The following RASGRF2 variants were observed in gnomAD, a reference collection of about 807,000 sequenced individuals.
RASGRF2 encodes the protein Ras protein specific guanine nucleotide releasing factor 2.
A neutral mutation model predicts 151.0 loss-of-function variants in RASGRF2; 76 were observed. The observed-to-expected ratio is 0.50, with a 90% CI of 0.42 to 0.61. The LOEUF (loss-of-function observed/expected upper bound fraction) is 0.61, where lower values mean the gene tolerates loss of function less well. Ranked by LOEUF, RASGRF2 falls within the 20% of genes least tolerant of loss-of-function variation. RASGRF2 has a pLI of 0.00. For missense variants in RASGRF2, 1,148 were observed against 1,564.6 expected (o/e 0.73, Z 4.49); for synonymous variants, 504 against 566.5 (o/e 0.89, Z 1.57).
chr5:80,989,220 G>A (rs975468915), intron 1 of RASGRF2, among the ~76,000 whole-genome samples: 11 of 152,022 alleles, frequency 7.2e-5, no homozygotes, highest in East Asian at 1.9e-4. Context: ...ATCCCCCCGC[G>A]TCTGTCTCCC....
intron 5 of RASGRF2, among the ~76,000 whole-genome samples, chr5:81,073,918 G>A (rs1751860507): frequency 6.6e-6 from 1 of 152,104 alleles, no homozygotes; most frequent in African/African-American, 2.4e-5. Flanking sequence ...CACCCAGCCT[G>A]CATTGTTATT....
chr5:81,113,434 A>G, intron 14 of RASGRF2, 104 bp from the exon 15 acceptor site: 1 of 1,325,726 alleles, frequency 7.5e-7, no homozygotes, highest in Non-Finnish European at 1.0e-6. Flanking sequence ...TAGAAGTGCA[A>G]TGAGATTGTG....
chr5:81,059,674 G>A (rs963925904), intron 2 of RASGRF2, among the ~76,000 whole-genome samples: 6 of 151,606 alleles, frequency 4.0e-5, no homozygotes, highest in South Asian at 2.1e-4. Flanking sequence ...GTGAAACCCC[G>A]TCTCTACTAA....
intron 1 of RASGRF2, among the ~76,000 whole-genome samples, chr5:81,036,560 G>T (rs571573505): frequency 6.6e-6 from 1 of 151,878 alleles, no homozygotes; most frequent in Non-Finnish European, 1.5e-5. Context: ...TTTTCTATTT[G>T]TATGTCCTTA....
rs146306469 is a variant in RASGRF2, at chr5:80,998,846, A to G, written c.288+37820A>G. Among the ~76,000 whole-genome samples, 105 of 152,280 alleles carry G rather than the reference A, an allele frequency of 6.9e-4. 1 individual carries two copies. The Middle Eastern group carries it at 0.014, about 20-fold the overall frequency. The stretch of plus-strand genomic sequence containing the variant: ...AGTGGGGAGAGTGAGCTTGAGGTTC[A>G]TTCTGCTGTGAGATTGCCTCCGTTT... On this transcript the variant is annotated intron_variant, in intron 1 of 26. Coordinates refer to ENST00000265080, the MANE Select transcript of RASGRF2 (RefSeq NM_006909.3).
rs897695210 is a variant in RASGRF2 at position 81,227,874 on chromosome 5, G to A, written c.*2104G>A. 6.6e-6 allele frequency: 1 copy of A among 152,098 alleles called. No individual in the cohort carries two copies. Among genetic ancestry groups the A allele is most frequent in the Non-Finnish European group, 1.5e-5 (1 of 68,040 alleles). The allele number at this position is 152,098 out of a possible 1,614,324, so 9.4% of individuals were successfully genotyped here. On this transcript the variant is annotated 3_prime_UTR_variant, in exon 27 of 27. Transcript: ENST00000265080. ...CTGTGTGCACTTTTTCTGGAAGTTCGGACTCATTTCTTTGACCCAAATGTT... is the reference window on the plus strand; with the variant it reads ...CTGTGTGCACTTTTTCTGGAAGTTCAGACTCATTTCTTTGACCCAAATGTT...
chr5:81,176,599 T>C (rs1409205296), intron 17 of RASGRF2, among the ~76,000 whole-genome samples: 2 of 152,124 alleles, frequency 1.3e-5, no homozygotes, highest in African/African-American at 2.4e-5. Flanking sequence ...GGACGGTTTG[T>C]GCGTTTTATA....
At chr5:81,178,575 C>A (rs967880192) in intron 17 of RASGRF2, among the ~76,000 whole-genome samples, 1 of 152,062 alleles carries the variant, frequency 6.6e-6, no homozygotes, top group Non-Finnish European at 1.5e-5. Context: ...TAGGCCTAGA[C>A]GAGATTTCCT....
At chr5:81,047,146 A>G (rs1440086318) in intron 2 of RASGRF2, among the ~76,000 whole-genome samples, 2 of 151,896 alleles carry the variant, frequency 1.3e-5, no homozygotes, top group Non-Finnish European at 2.9e-5. Flanking sequence ...GTGGGCAAAG[A>G]TGATGAGCAT....
intron 1 of RASGRF2, among the ~76,000 whole-genome samples, chr5:81,016,933 C>T (rs1162004425): frequency 6.6e-6 from 1 of 152,124 alleles, no homozygotes; most frequent in African/African-American, 2.4e-5. Context: ...TAAACATCCA[C>T]CTAAAAGTCC....
intron 19 of RASGRF2, among the ~76,000 whole-genome samples, chr5:81,203,595 G>A (rs1755442956): frequency 6.6e-6 from 1 of 152,236 alleles, no homozygotes; most frequent in Non-Finnish European, 1.5e-5. Flanking sequence ...AGGCAGTAGA[G>A]CTTGAAACTA....
chr5:81,016,918 A>G (rs1749654902), intron 1 of RASGRF2, among the ~76,000 whole-genome samples: 1 of 152,192 alleles, frequency 6.6e-6, no homozygotes, highest in Non-Finnish European at 1.5e-5. Context: ...TTTCAATATG[A>G]CTATTAAACA....
intron 2 of RASGRF2, among the ~76,000 whole-genome samples, chr5:81,057,116 T>G (rs1310841540): frequency 6.6e-6 from 1 of 152,218 alleles, no homozygotes; most frequent in Non-Finnish European, 1.5e-5. Context: ...AATTGGAGCA[T>G]TTAGCCCATT....
intron 1 of RASGRF2, among the ~76,000 whole-genome samples, chr5:80,967,639 G>C (rs926263403): frequency 6.6e-6 from 1 of 152,040 alleles, no homozygotes; most frequent in African/African-American, 2.4e-5. Flanking sequence ...TCATTTCCTG[G>C]ACTGTATTTA....
chr5:81,183,180 G>T, intron 18 of RASGRF2: 1 of 983,952 alleles, frequency 1.0e-6, no homozygotes. Flanking sequence ...GAACTACCCA[G>T]GGAGGCCACT....
Position 81,105,369 on chromosome 5 carries a change from T to C in RASGRF2, c.1756-3627T>C, listed in dbSNP as rs146059586. Among the ~76,000 whole-genome samples the C allele has an allele frequency of 2.2e-3, 328 of 152,236 alleles. 1 individual carries two copies. The highest frequency in any genetic ancestry group is 7.5e-3 in the African/African-American group (310 of 41,536). ...CCAGGACGAGACAGAGATGCTTCTT[T>C]ATGACCCAGGTCTGTGACTCTGGCC... is the stretch of plus-strand genomic sequence containing the variant. On this transcript the variant is annotated intron_variant, in intron 12 of 26. Transcript: ENST00000265080.
At chr5:80,975,917 G>A (rs1313961602) in intron 1 of RASGRF2, among the ~76,000 whole-genome samples, 2 of 146,644 alleles carry the variant, frequency 1.4e-5, no homozygotes, top group South Asian at 2.1e-4. Context: ...GCAATGGCAC[G>A]ATCTCCAACC....
chr5:81,183,117 C>T, intron 18 of RASGRF2: 2 of 904,154 alleles, frequency 2.2e-6, no homozygotes, highest in Non-Finnish European at 2.6e-6. Flanking sequence ...AAGTTGTACT[C>T]ATCTCAAAAC....
rs757025088 is a variant in RASGRF2, at chr5:81,207,355, T to C, written c.3071+6T>C. On this transcript the variant is annotated splice_donor_region_variant and intron_variant, in intron 21 of 26. Coordinates refer to ENST00000265080, the MANE Select transcript of RASGRF2 (RefSeq NM_006909.3). ...TTCAGAAGCATTCCCTACGAGTGAGTGCCACCCCCCACAGCAGCAGGGCTC... is the reference window on the plus strand; with the variant it reads ...TTCAGAAGCATTCCCTACGAGTGAGCGCCACCCCCCACAGCAGCAGGGCTC... 1.1e-5 allele frequency: 17 copies of C among 1,610,346 alleles called. No individual in the cohort carries two copies.
Sources: allele counts gnomAD v4.1 joint callset (sites outside exome capture counted in the v4.1 genomes callset), GRCh38; gene constraint gnomAD v4.1.1; transcripts MANE v1.5; gene names NCBI Gene and HGNC (gene_info 2026-07-23, HGNC 2026-07-21).